Variants in ZNF385D observed in about 807,000 individuals in gnomAD.
ZNF385D encodes the protein zinc finger protein 659.
A neutral mutation model predicts 35.8 loss-of-function variants in ZNF385D; 15 were observed. That is an observed-to-expected ratio of 0.42 (90% confidence interval 0.28 to 0.64). The LOEUF is 0.64. Among genes scored for constraint, ZNF385D ranks in the 30% least tolerant of loss-of-function variants. ZNF385D has a pLI of 0.23. For missense variants in ZNF385D, 474 were observed against 494.6 expected (o/e 0.96, Z 0.39); for synonymous variants, 212 against 186.8 (o/e 1.13, Z -1.10).
intron 2 of ZNF385D, among the ~76,000 whole-genome samples, chr3:21,643,928 C>T (rs867258004): frequency 9.2e-5 from 14 of 151,962 alleles, no homozygotes; most frequent in South Asian, 6.2e-4. Flanking sequence ...GCTGGACAAC[C>T]AAGAATAATG....
chr3:22,273,226 G>A (rs1304294247), intron 2 of ZNF385D, among the ~76,000 whole-genome samples: 1 of 152,004 alleles, frequency 6.6e-6, no homozygotes, highest in Non-Finnish European at 1.5e-5. Flanking sequence ...GCAAATTTGT[G>A]TTTGGTCTTA....
At chr3:21,776,747 G>A (rs2071304628) in intron 3 of ZNF385D, among the ~76,000 whole-genome samples, 1 of 151,906 alleles carries the variant, frequency 6.6e-6, no homozygotes, top group Non-Finnish European at 1.5e-5. Flanking sequence ...ATATATACAA[G>A]TGATGTTTAC....
intron 3 of ZNF385D, among the ~76,000 whole-genome samples, chr3:21,519,585 A>T (rs1165814412): frequency 3.9e-5 from 6 of 152,350 alleles, no homozygotes; most frequent in Admixed American, 3.9e-4. Context: ...AACAGAGGAT[A>T]GCAGTGGGCT....
At chr3:21,817,132 T>C (rs1031184476) in intron 3 of ZNF385D, among the ~76,000 whole-genome samples, 1 of 152,176 alleles carries the variant, frequency 6.6e-6, no homozygotes, top group Non-Finnish European at 1.5e-5. Flanking sequence ...GCTAGCCATA[T>C]ATAGAAATGT....
chr3:21,773,964 GCA>G (rs1159334217), intron 3 of ZNF385D, among the ~76,000 whole-genome samples: 1 of 151,974 alleles, frequency 6.6e-6, no homozygotes, highest in African/African-American at 2.4e-5. Context: ...AAAGATACAT[GCA>G]CACATATGTT....
intron 2 of ZNF385D, among the ~76,000 whole-genome samples, chr3:22,252,945 C>A (rs1487277679): frequency 1.3e-5 from 2 of 152,030 alleles, no homozygotes; most frequent in Non-Finnish European, 2.9e-5. Flanking sequence ...CAAGAAGTAA[C>A]AAAGCATTCT....
At chr3:21,943,780 A>G (rs1343167547) in intron 3 of ZNF385D, among the ~76,000 whole-genome samples, 2 of 152,318 alleles carry the variant, frequency 1.3e-5, no homozygotes, top group East Asian at 1.9e-4. Context: ...CATGAACAGT[A>G]ATTTAGTCCT....
chr3:21,782,504 T>C (rs576653741), intron 3 of ZNF385D, among the ~76,000 whole-genome samples: 3 of 152,256 alleles, frequency 2.0e-5, no homozygotes, highest in African/African-American at 7.2e-5. Flanking sequence ...ATCATTTTAA[T>C]TGTCACACTG....
intron 3 of ZNF385D, among the ~76,000 whole-genome samples, chr3:22,128,716 G>C (rs1049026145): frequency 6.6e-6 from 1 of 152,088 alleles, no homozygotes; most frequent in Non-Finnish European, 1.5e-5. Context: ...GAATTTTGAA[G>C]AGCAGCTCCA....
At chr3:22,355,869 T>C (rs1696125763) in intron 2 of ZNF385D, among the ~76,000 whole-genome samples, 1 of 151,960 alleles carries the variant, frequency 6.6e-6, no homozygotes, top group South Asian at 2.1e-4. Context: ...CAAAGAACAA[T>C]TTATTTTCAG....
chr3:22,076,188 T>G (rs1700453819), intron 3 of ZNF385D, among the ~76,000 whole-genome samples: 1 of 151,904 alleles, frequency 6.6e-6, no homozygotes, highest in Admixed American at 6.6e-5. Context: ...ACATCAGATC[T>G]TGTAACTCAC....
Position 21,751,058 on chromosome 3 carries a change from C to G in ZNF385D, c.-142G>C. On this transcript the variant is annotated 5_prime_UTR_variant, in exon 1 of 8. Transcript: ENST00000281523. Reference sequence around the variant, plus strand: ...AGCAGTGAGCGCCGAGAGCGTGCCTCCTCCGCGGGATGAGCGCCTTGCAGG... The same window carrying G: ...AGCAGTGAGCGCCGAGAGCGTGCCTGCTCCGCGGGATGAGCGCCTTGCAGG... The G allele has an allele frequency of 6.5e-7, 1 of 1,534,998 alleles. No individual in the cohort carries two copies. Among genetic ancestry groups the G allele is most frequent in the Non-Finnish European group, 8.8e-7 (1 of 1,140,738 alleles).
At chr3:22,204,823 A>G (rs1697037393) in intron 2 of ZNF385D, among the ~76,000 whole-genome samples, 4 of 151,828 alleles carry the variant, frequency 2.6e-5, no homozygotes, top group Non-Finnish European at 4.4e-5. Flanking sequence ...GTCACAGGAG[A>G]AAAAGAATAA....
intron 2 of ZNF385D, among the ~76,000 whole-genome samples, chr3:22,330,877 C>T (rs1694900664): frequency 6.6e-6 from 1 of 152,214 alleles, no homozygotes; most frequent in East Asian, 1.9e-4. Flanking sequence ...GGCAACCTAT[C>T]TCCAAATTTA....
chr3:22,287,624 C>T (rs1291132764), intron 2 of ZNF385D, among the ~76,000 whole-genome samples: 2 of 151,916 alleles, frequency 1.3e-5, no homozygotes, highest in African/African-American at 4.8e-5. Flanking sequence ...TTGGCATACA[C>T]AAACTCTACA....
At chr3:21,482,184 C>T (rs1704675508) in intron 4 of ZNF385D, among the ~76,000 whole-genome samples, 1 of 152,132 alleles carries the variant, frequency 6.6e-6, no homozygotes, top group Non-Finnish European at 1.5e-5. Context: ...TGTAAAAACT[C>T]ATGGGCTAGG....
chr3:21,931,110 TAA>T (rs1171542305), intron 3 of ZNF385D, among the ~76,000 whole-genome samples: 3 of 152,008 alleles, frequency 2.0e-5, no homozygotes, highest in African/African-American at 4.8e-5. Context: ...AATCCAATAA[TAA>T]AAAGACAAAT....
rs574041498 is a variant in ZNF385D at position 22,119,414 on chromosome 3, A to T, written c.325+49403T>A. 2.6e-5 allele frequency among the ~76,000 whole-genome samples: 4 copies of T among 152,288 alleles called. No individual in the cohort carries two copies. The South Asian group carries it at 8.3e-4, about 32-fold the overall frequency. ...ACTACTATTTTAATCTTAAAATGTT[A>T]TATTTAGACATAATTTGTTGGGGGG... is the stretch of plus-strand genomic sequence containing the variant. On this transcript the variant is annotated intron_variant, in intron 3 of 5. Coordinates refer to the ZNF385D transcript ENST00000494108.
chr3:22,270,318 G>T (rs1701107109), intron 2 of ZNF385D, among the ~76,000 whole-genome samples: 1 of 151,828 alleles, frequency 6.6e-6, no homozygotes. Context: ...TCTCAACTTT[G>T]GAAAATTGAA....
Sources: allele counts gnomAD v4.1 joint callset (sites outside exome capture counted in the v4.1 genomes callset), GRCh38; gene constraint gnomAD v4.1.1; transcripts MANE v1.5; gene names NCBI Gene and HGNC (gene_info 2026-07-23, HGNC 2026-07-21).